The following CEACAM3 variants were observed in gnomAD, a reference collection of about 807,000 sequenced individuals.
CEACAM3 encodes CEA cell adhesion molecule 3.
A neutral mutation model predicts 30.1 loss-of-function variants in CEACAM3; 32 were observed. The observed-to-expected ratio is 1.06, with a 90% CI of 0.80 to 1.43. CEACAM3 has a LOEUF of 1.43. CEACAM3 is among the 40% of genes most tolerant of loss of function. CEACAM3 has a pLI of 0.00. For synonymous variants in CEACAM3, 134 were observed against 127.2 expected (o/e 1.05, Z -0.36); for missense variants, 290 against 316.3 (o/e 0.92, Z 0.63).
intron 2 of CEACAM3, among the ~76,000 whole-genome samples, chr19:41,804,263 C>T (rs540945120): frequency 1.7e-5 from 2 of 119,468 alleles, no homozygotes; most frequent in Non-Finnish European, 4.1e-5. Context: ...GATGGGCCCA[C>T]TGCTTGTTCC....
intron 2 of CEACAM3, among the ~76,000 whole-genome samples, chr19:41,801,436 C>A (rs1302851484): frequency 6.6e-6 from 1 of 152,242 alleles, no homozygotes; most frequent in Non-Finnish European, 1.5e-5. Context: ...TCCACCTACT[C>A]TTGTAATTTC....
In CEACAM3 at chr19:41,797,644, C is replaced by T. The variant is rs1555825378; in HGVS notation, c.120C>T (p.Ser40=). ...PPTTAKLTIE[S]MPLSVAEGKE... Reference sequence around the variant, plus strand: ...CCACTGCCAAGCTCACTATTGAATCCATGCCGCTCAGTGTCGCAGAGGGGA... The same window carrying T: ...CCACTGCCAAGCTCACTATTGAATCTATGCCGCTCAGTGTCGCAGAGGGGA... The change falls in exon 2 of 7, where the codon TCC becomes TCT. Residue 40 remains serine (S), a synonymous_variant. Transcript: ENST00000357396. 6.2e-7 allele frequency: 1 copy of T among 1,614,042 alleles called. No homozygotes were observed. Among genetic ancestry groups the T allele is most frequent in the Non-Finnish European group, 8.5e-7 (1 of 1,180,038 alleles).
At chr19:41,804,355 C>T (rs138045517) in intron 2 of CEACAM3, among the ~76,000 whole-genome samples, 4 of 152,270 alleles carry the variant, frequency 2.6e-5, no homozygotes, top group Non-Finnish European at 5.9e-5. Flanking sequence ...ACCGGCATCT[C>T]ACTTAGACTC....
chr19:41,808,078 C>T (rs1368700470), intron 2 of CEACAM3, among the ~76,000 whole-genome samples: 3 of 152,168 alleles, frequency 2.0e-5, no homozygotes, highest in Non-Finnish European at 4.4e-5. Context: ...TAAAGCCACT[C>T]AGTTTTCTGA....
chr19:41,810,848 C>T lies in CEACAM3; in HGVS notation c.644C>T (p.Thr215Ile). 1 of 1,613,202 alleles carries T rather than the reference C, an allele frequency of 6.2e-7. No individual in the cohort carries two copies. The highest frequency in any genetic ancestry group is 1.3e-5 in the African/African-American group (1 of 74,982). Residue 215 changes from threonine (T) to isoleucine (I), a missense_variant, in exon 6 of 7, where the codon ACT becomes ATT. Thr to Ile is a moderately conservative substitution (Grantham distance 89). Coordinates refer to ENST00000357396, the MANE Select transcript of CEACAM3 (RefSeq NM_001815.5). ...TGTCCACAGATGTCCCCTCTCTCCA[C>T]TGCCCAGGCCCCCCTACCCAACCCC... Reference protein sequence around the residue: ...SSAFSMSPLSTAQAPLPNPRT... With the variant: ...SSAFSMSPLSIAQAPLPNPRT...
intron 2 of CEACAM3, among the ~76,000 whole-genome samples, chr19:41,798,453 C>T (rs1166999846): frequency 1.3e-5 from 2 of 152,188 alleles, no homozygotes; most frequent in Non-Finnish European, 1.5e-5. Flanking sequence ...AAGAATTTAC[C>T]AGCTGTCTGA....
chr19:41,797,420 A>G (rs2073110312), intron 1 of CEACAM3, 169 bp from the exon 2 acceptor site: 1 of 839,076 alleles, frequency 1.2e-6, no homozygotes, highest in South Asian at 1.8e-5. Context: ...GAAAATGCCA[A>G]GGTTAGAGGT....
At chr19:41,801,652 G>T (rs1376073814) in intron 2 of CEACAM3, among the ~76,000 whole-genome samples, 2 of 152,218 alleles carry the variant, frequency 1.3e-5, no homozygotes, top group African/African-American at 4.8e-5. Context: ...GGGGAAAGCT[G>T]ATTGGTTGGG....
Position 41,797,363 on chromosome 19 carries a change from G to T in CEACAM3, c.65-226G>T, listed in dbSNP as rs1331324631. 1.8e-5 allele frequency: 10 copies of T among 560,060 alleles called. No homozygotes were observed. In the African/African-American group the frequency reaches 1.9e-4, roughly 11 times the overall value. 34.7% of individuals were successfully genotyped at this position (560,060 alleles called of 1,614,324 possible). On this transcript the variant is annotated intron_variant, in intron 1 of 6. Coordinates refer to ENST00000357396, the MANE Select transcript of CEACAM3 (RefSeq NM_001815.5). Reference sequence around the variant, plus strand: ...CTGATGTGAGCAGGATCTGAGGGCAGTGGGGAGGGAGCCATGCAGACCCCT... The same window carrying T: ...CTGATGTGAGCAGGATCTGAGGGCATTGGGGAGGGAGCCATGCAGACCCCT...
Position 41,810,866 on chromosome 19 carries a change from C to G in CEACAM3, c.662C>G (p.Pro221Arg). 1.9e-6 allele frequency: 3 copies of G among 1,613,718 alleles called. No individual in the cohort carries two copies. The highest frequency in any genetic ancestry group is 2.5e-6 in the Non-Finnish European group (3 of 1,179,798). ...CTCTCCACTGCCCAGGCCCCCCTAC[C>G]CAACCCCAGGACAGCAGCTTCCATC... The part of the protein sequence containing the change: ...SPLSTAQAPL[P>R]NPRTAASIYE... The change falls in exon 6 of 7, where the codon CCC becomes CGC. Residue 221 changes from proline to arginine, a missense_variant. Pro to Arg is a moderately radical substitution (Grantham distance 103). Coordinates refer to ENST00000357396, the MANE Select transcript of CEACAM3 (RefSeq NM_001815.5).
At chr19:41,804,504 T>C (rs1417632323) in intron 2 of CEACAM3, among the ~76,000 whole-genome samples, 1 of 152,224 alleles carries the variant, frequency 6.6e-6, no homozygotes, top group African/African-American at 2.4e-5. Context: ...GTGAGGGCTC[T>C]TTTGACATTT....
At chr19:41,807,424 C>A in intron 2 of CEACAM3, 3 of 1,151,638 alleles carry the variant, frequency 2.6e-6, no homozygotes, top group South Asian at 2.1e-5. Flanking sequence ...AGGCTTCCAG[C>A]CCAAATCCAC....
At chr19:41,800,006 G>C (rs2073133108) in intron 2 of CEACAM3, among the ~76,000 whole-genome samples, 1 of 152,092 alleles carries the variant, frequency 6.6e-6, no homozygotes, top group Non-Finnish European at 1.5e-5. Flanking sequence ...AGGTCACCCA[G>C]GCGCCGAGGC....
At chr19:41,803,591 C>G (rs2073173243) in intron 2 of CEACAM3, among the ~76,000 whole-genome samples, 1 of 151,848 alleles carries the variant, frequency 6.6e-6, no homozygotes, top group Non-Finnish European at 1.5e-5. Context: ...CTCAGCCTCC[C>G]AAATAGCTGG....
intron 3 of CEACAM3, 135 bp from the exon 4 acceptor site, chr19:41,809,829 CT>C: frequency 2.4e-6 from 2 of 837,202 alleles, no homozygotes; most frequent in Non-Finnish European, 4.0e-6. Flanking sequence ...TGGGCTCCCC[CT>C]AACACAAACC....
intron 2 of CEACAM3, among the ~76,000 whole-genome samples, chr19:41,803,755 C>CGCTGA (rs2073175809): frequency 1.1e-5 from 1 of 93,894 alleles, no homozygotes; most frequent in African/African-American, 2.9e-5. Flanking sequence ...CATGAGCCAC[C>CGCTGA]ATGCCCGGCC....
At chr19:41,808,736 C>G in intron 2 of CEACAM3, 77 bp from the exon 3 acceptor site, 1 of 1,160,996 alleles carries the variant, frequency 8.6e-7, no homozygotes, top group Non-Finnish European at 1.3e-6. Flanking sequence ...TGACTGCACA[C>G]CTTCCCTGCA....
chr19:41,810,810 G>A, intron 5 of CEACAM3, 22 bp from the exon 6 acceptor site: 5 of 1,604,018 alleles, frequency 3.1e-6, no homozygotes, highest in Middle Eastern at 1.7e-4. Flanking sequence ...GGGCCTCCAT[G>A]ACCCTCCCTC....
At chr19:41,802,292 A>T (rs1555826092) in intron 2 of CEACAM3, among the ~76,000 whole-genome samples, 1 of 152,180 alleles carries the variant, frequency 6.6e-6, no homozygotes. Context: ...CCAATTTGGC[A>T]TGTAAGAAGC....
Sources: gnomAD v4.1 joint callset for allele counts (sites outside exome capture counted in the v4.1 genomes callset) on GRCh38, gnomAD v4.1.1 for gene constraint, MANE v1.5 for transcripts, NCBI Gene and HGNC (gene_info 2026-07-23, HGNC 2026-07-21) for gene names.